The following AP3B1 variants were observed in gnomAD, a reference collection of about 807,000 sequenced individuals.
AP3B1 encodes the protein AP-3 complex subunit beta-1.
In AP3B1, 61 loss-of-function variants were observed where a neutral mutation model predicts 132.5. That is an observed-to-expected ratio of 0.46 (90% CI 0.37 to 0.57). The LOEUF (loss-of-function observed/expected upper bound fraction) is 0.57. AP3B1 is among the 20% of genes least tolerant of loss of function. AP3B1 has a pLI of 0.00. For missense variants in AP3B1, 1,120 were observed against 1,289.4 expected, an observed-to-expected ratio of 0.87 and a Z score of 2.01; for synonymous variants, 388 against 438.3, an observed-to-expected ratio of 0.89 and a Z score of 1.43.
chr5:78,265,855 G>A (rs1460652563), intron 2 of AP3B1, among the ~76,000 whole-genome samples: 1 of 152,100 alleles, frequency 6.6e-6, no homozygotes, highest in Non-Finnish European at 1.5e-5. Flanking sequence ...TATTCTACCT[G>A]ATTTTCATTA....
intron 22 of AP3B1, among the ~76,000 whole-genome samples, chr5:78,065,878 C>T (rs781689022): frequency 6.6e-6 from 1 of 152,204 alleles, no homozygotes; most frequent in Non-Finnish European, 1.5e-5. Flanking sequence ...GATCTTCCAA[C>T]AGGGGTCGCT....
chr5:78,010,188 ACATCT>A (rs1746560441), intron 26 of AP3B1, among the ~76,000 whole-genome samples: 1 of 152,228 alleles, frequency 6.6e-6, no homozygotes, highest in South Asian at 2.1e-4. Context: ...ATTAAACCAA[ACATCT>A]CATCTACTGG....
chr5:78,005,884 C>T (rs1473986231), intron 26 of AP3B1, among the ~76,000 whole-genome samples: 1 of 152,100 alleles, frequency 6.6e-6, no homozygotes, highest in Non-Finnish European at 1.5e-5. Flanking sequence ...GGAAAGAGTA[C>T]TAATTCATAA....
chr5:78,105,474 T>C (rs910856760), intron 20 of AP3B1, among the ~76,000 whole-genome samples: 22 of 152,174 alleles, frequency 1.4e-4, no homozygotes, highest in African/African-American at 5.1e-4. Context: ...AAAAACAGGA[T>C]AAAGTGATAT....
intron 2 of AP3B1, among the ~76,000 whole-genome samples, chr5:78,260,721 A>G (rs1199839225): frequency 6.6e-6 from 1 of 152,214 alleles, no homozygotes; most frequent in Non-Finnish European, 1.5e-5. Context: ...CATAATATTT[A>G]AAATAAATGT....
chr5:78,202,698 T>C (rs1158473331), intron 7 of AP3B1, among the ~76,000 whole-genome samples: 3 of 152,016 alleles, frequency 2.0e-5, no homozygotes, highest in Non-Finnish European at 4.4e-5. Context: ...AACAACTAAC[T>C]TGGAAGCACA....
chr5:78,059,927 T>C (rs182607266), intron 22 of AP3B1, among the ~76,000 whole-genome samples: 3 of 152,032 alleles, frequency 2.0e-5, no homozygotes, highest in Non-Finnish European at 4.4e-5. Flanking sequence ...TTAGAAGTAG[T>C]AGTGATAGAT....
At chr5:78,250,371 A>G (rs993997310) in intron 2 of AP3B1, among the ~76,000 whole-genome samples, 1 of 152,200 alleles carries the variant, frequency 6.6e-6, no homozygotes, top group East Asian at 1.9e-4. Context: ...AGACAGAGGG[A>G]AGAGTGCTCT....
chr5:78,276,232 A>G (rs1748767961), intron 1 of AP3B1, among the ~76,000 whole-genome samples: 2 of 151,902 alleles, frequency 1.3e-5, no homozygotes, highest in South Asian at 4.2e-4. Context: ...TGCCTGGCTA[A>G]TGTTTTTTTA....
intron 15 of AP3B1, 49 bp from the exon 16 acceptor site, chr5:78,129,356 T>C (rs1752597739): frequency 1.4e-6 from 2 of 1,416,218 alleles, no homozygotes. Flanking sequence ...TTTATGATTA[T>C]CGATAACTCT....
At chr5:78,217,516 A>G (rs974420476) in intron 6 of AP3B1, among the ~76,000 whole-genome samples, 1 of 152,002 alleles carries the variant, frequency 6.6e-6, no homozygotes, top group African/African-American at 2.4e-5. Context: ...TATATATATA[A>G]TTTTCTATTT....
At chr5:78,269,812 T>C (rs1281793898) in intron 1 of AP3B1, among the ~76,000 whole-genome samples, 2 of 152,184 alleles carry the variant, frequency 1.3e-5, no homozygotes, top group East Asian at 3.8e-4. Context: ...AATTTGACAA[T>C]GTAATTTTAT....
chr5:78,148,449 T>C (rs1753507392), intron 14 of AP3B1, among the ~76,000 whole-genome samples: 1 of 152,204 alleles, frequency 6.6e-6, no homozygotes, highest in East Asian at 1.9e-4. Flanking sequence ...TTTACCTTAC[T>C]ACTTTTTGAA....
intron 22 of AP3B1, among the ~76,000 whole-genome samples, chr5:78,054,023 G>T (rs1748702732): frequency 6.6e-6 from 1 of 152,102 alleles, no homozygotes; most frequent in Non-Finnish European, 1.5e-5. Flanking sequence ...AAGCTGAAGG[G>T]ATCTCAATTT....
chr5:78,220,693 C>CT lies in AP3B1; in HGVS notation c.604-4457dup, dbSNP rs533512624. Among the ~76,000 whole-genome samples the CT allele has an allele frequency of 7.4e-4, 108 of 145,586 alleles. 1 individual carries two copies. The highest frequency in any genetic ancestry group is 9.6e-4 in the Non-Finnish European group (64 of 66,698). On this transcript the variant is annotated intron_variant, in intron 6 of 26. Transcript: ENST00000255194. ...GGGAAAGTTTCACGGAGAAAATTAGCTTAAAAAAAAAAAAAAGTAAGGGGA... is the reference window on the plus strand; with the variant it reads ...GGGAAAGTTTCACGGAGAAAATTAGCTTTAAAAAAAAAAAAAAGTAAGGGGA...
At position 78,135,443 on chromosome 5, in the gene AP3B1, T is replaced by C. The variant is rs185951045; in HGVS notation, c.1650+5700A>G. Among the ~76,000 whole-genome samples, 463 of 152,192 alleles carry C rather than the reference T, an allele frequency of 3.0e-3. 2 individuals carry two copies. Among genetic ancestry groups the C allele is most frequent in the African/African-American group, 0.011 (440 of 41,532 alleles). On this transcript the variant is annotated intron_variant, in intron 15 of 26. Transcript: ENST00000255194. ...TAATAAAAATATAAAACAGGGATGA[T>C]TGAATGAAACACACCAACAAGGTGG...
At chr5:78,081,078 A>G (rs886927969) in intron 22 of AP3B1, among the ~76,000 whole-genome samples, 1 of 152,144 alleles carries the variant, frequency 6.6e-6, no homozygotes, top group African/African-American at 2.4e-5. Context: ...CTCTTGAGTT[A>G]TTATTGGCCA....
chr5:78,183,995 C>A (rs1175419213), intron 7 of AP3B1, among the ~76,000 whole-genome samples: 3 of 151,350 alleles, frequency 2.0e-5, no homozygotes, highest in Non-Finnish European at 4.4e-5. Context: ...TGGTGAAACT[C>A]CATCTCTACT....
At chr5:78,227,649 C>T (rs1746454448) in intron 4 of AP3B1, 117 bp from the exon 5 acceptor site, 10 of 950,826 alleles carry the variant, frequency 1.1e-5, no homozygotes, top group African/African-American at 1.6e-5. Flanking sequence ...CAAAAGAAAG[C>T]TACTTAATTT....
Sources: allele counts gnomAD v4.1 joint callset (sites outside exome capture counted in the v4.1 genomes callset), GRCh38; gene constraint gnomAD v4.1.1; transcripts MANE v1.5; gene names NCBI Gene and HGNC (gene_info 2026-07-23, HGNC 2026-07-21).